DNAH12: variants seen among roughly 807,000 people sequenced by gnomAD.
DNAH12 encodes the protein dynein axonemal heavy chain 12, also known as axonemal beta dynein heavy chain 12.
Under a neutral mutation model 371.5 loss-of-function variants are expected in DNAH12, and 285 were observed. The observed-to-expected ratio is 0.77, with a 90% CI of 0.70 to 0.85. The LOEUF (loss-of-function observed/expected upper bound fraction) is 0.85, where lower values mean the gene tolerates loss of function less well. Among genes scored for constraint, DNAH12 ranks in the 40% least tolerant of loss-of-function variants. DNAH12 has a pLI of 0.00. For missense variants in DNAH12, 3,611 were observed against 3,689.4 expected (o/e 0.98, Z 0.55); for synonymous variants, 1,200 against 1,213.0 (o/e 0.99, Z 0.22).
intron 19 of DNAH12, among the ~76,000 whole-genome samples, chr3:57,461,127 A>G (rs1480831341): frequency 1.3e-5 from 2 of 152,296 alleles, no homozygotes; most frequent in South Asian, 4.1e-4. Flanking sequence ...GTTTACAACT[A>G]TAATTAAAGT....
At chr3:57,499,628 TACAAA>T (rs1559724102) in intron 11 of DNAH12, among the ~76,000 whole-genome samples, 1 of 3,938 alleles carries the variant, frequency 2.5e-4, no homozygotes, top group Non-Finnish European at 5.1e-4. Flanking sequence ...ACACCATCTC[TACAAA>T]AAAAAAAAAA....
intron 29 of DNAH12, among the ~76,000 whole-genome samples, chr3:57,442,874 G>A (rs924126378): frequency 6.6e-6 from 1 of 152,134 alleles, no homozygotes; most frequent in Non-Finnish European, 1.5e-5. Context: ...ATCTCTTAAT[G>A]ATTTGACAGC....
chr3:57,459,660 C>G lies in DNAH12; in HGVS notation c.2863G>C (p.Gly955Arg). 1 of 1,548,864 alleles carries G rather than the reference C, an allele frequency of 6.5e-7. No individual in the cohort carries two copies. The change falls in exon 20 of 74, where the codon GGG becomes CGG. Residue 955 changes from glycine (G) to arginine (R), a missense_variant. Gly to Arg is a moderately radical substitution (Grantham distance 125). Transcript: ENST00000495027. Reference protein sequence around the residue: ...EDIMQQMPEEGRQFQTVDRHW... With the variant: ...EDIMQQMPEERRQFQTVDRHW... The stretch of plus-strand genomic sequence containing the variant: ...CTGTCTACTGTCTGAAATTGACGCC[C>G]TTCTTCTGGCATCTGTTGCATGATA...
rs2061198439 is a variant in DNAH12, at chr3:57,294,733, T to C, written c.11693-762A>G. ...TTTCTATTTGTTTTTAGCAGGTAAATAATAAGAAAAACATGTCAACTCTTA... is the reference window on the plus strand; with the variant it reads ...TTTCTATTTGTTTTTAGCAGGTAAACAATAAGAAAAACATGTCAACTCTTA... On this transcript the variant is annotated intron_variant, in intron 73 of 73. Coordinates refer to ENST00000495027, the MANE Select transcript of DNAH12 (RefSeq NM_001366028.2). 2.0e-5 allele frequency among the ~76,000 whole-genome samples: 3 copies of C among 152,020 alleles called. No individual in the cohort carries two copies. In the South Asian group the frequency reaches 6.2e-4, roughly 32 times the overall value.
chr3:57,530,766 G>T, intron 2 of DNAH12: 1 of 225,732 alleles, frequency 4.4e-6, no homozygotes, highest in South Asian at 8.4e-5. Flanking sequence ...ACATCACTTG[G>T]AGCCCCAGGA....
At chr3:57,310,393 T>G (rs1312055747) in intron 67 of DNAH12, among the ~76,000 whole-genome samples, 1 of 152,214 alleles carries the variant, frequency 6.6e-6, no homozygotes, top group Non-Finnish European at 1.5e-5. Flanking sequence ...CAAACTATAC[T>G]GCCTCTTCTC....
intron 69 of DNAH12, 85 bp from the exon 70 acceptor site, chr3:57,302,024 TC>T: frequency 7.0e-7 from 1 of 1,422,372 alleles, no homozygotes; most frequent in Admixed American, 2.1e-5. Context: ...GGAATTTCAT[TC>T]CCAGCTTTAT....
chr3:57,356,025 G>A (rs1286290148), intron 59 of DNAH12, among the ~76,000 whole-genome samples: 2 of 152,128 alleles, frequency 1.3e-5, no homozygotes, highest in African/African-American at 2.4e-5. Flanking sequence ...TCACGTTAAC[G>A]AATTTGCCTG....
intron 27 of DNAH12, 84 bp from the exon 28 acceptor site, chr3:57,445,503 T>G: frequency 1.7e-6 from 2 of 1,193,112 alleles, no homozygotes; most frequent in Non-Finnish European, 2.1e-6. Flanking sequence ...AGGTGTGGTG[T>G]TGTCAAGTTT....
At chr3:57,497,055 G>A (rs2067347590) in intron 11 of DNAH12, among the ~76,000 whole-genome samples, 1 of 152,120 alleles carries the variant, frequency 6.6e-6, no homozygotes, top group African/African-American at 2.4e-5. Flanking sequence ...TGCAAGAGCT[G>A]TACAATGCAA....
intron 29 of DNAH12, among the ~76,000 whole-genome samples, chr3:57,444,292 G>A (rs1358060226): frequency 6.6e-6 from 1 of 151,100 alleles, no homozygotes; most frequent in East Asian, 1.9e-4. Flanking sequence ...TATTTTTTTT[G>A]AGACAGAGTC....
chr3:57,478,281 A>G (rs2066608139), intron 13 of DNAH12, among the ~76,000 whole-genome samples: 4 of 152,236 alleles, frequency 2.6e-5, no homozygotes, highest in Non-Finnish European at 1.5e-5. Flanking sequence ...ACGAATCCAC[A>G]AGCCTCAGTA....
rs2061546158 is a variant in DNAH12 at position 57,309,644 on chromosome 3, C to T, written c.11085+22G>A. ...TCATTTTTATTTATATTATAAGTAA[C>T]ATATTTTAAGCTGAACATTACCTTG... On this transcript the variant is annotated intron_variant, in intron 68 of 73. Transcript: ENST00000495027. The T allele has an allele frequency of 2.1e-6, 3 of 1,442,412 alleles. No individual in the cohort carries two copies. The African/African-American group carries it at 4.3e-5, about 21-fold the overall frequency. 89.4% of individuals were successfully genotyped at this position (1,442,412 alleles called of 1,614,324 possible).
intron 50 of DNAH12, 74 bp from the exon 51 acceptor site, chr3:57,380,441 G>A: frequency 6.6e-6 from 1 of 152,128 alleles, no homozygotes; most frequent in East Asian, 1.9e-4. Context: ...TCTTCTTGAA[G>A]TTTAAGAGGC....
At chr3:57,330,294 C>CA (rs1490439146) in intron 62 of DNAH12, among the ~76,000 whole-genome samples, 1 of 151,388 alleles carries the variant, frequency 6.6e-6, no homozygotes, top group Non-Finnish European at 1.5e-5. Flanking sequence ...TTCACAATAG[C>CA]AAAGACTTGG....
At chr3:57,541,532 A>AT (rs1418705624) in intron 2 of DNAH12, among the ~76,000 whole-genome samples, 516 of 143,618 alleles carry the variant, frequency 3.6e-3, no homozygotes, top group African/African-American at 0.01. Flanking sequence ...CACCTGGCTA[A>AT]TTTTTTTTTT....
chr3:57,307,748 C>G, intron 69 of DNAH12, among the ~76,000 whole-genome samples: 1 of 152,140 alleles, frequency 6.6e-6, no homozygotes. Flanking sequence ...CACATTATTC[C>G]TGATACCACA....
rs1464309606 is a variant in DNAH12, at chr3:57,462,915, G to C, written c.2350-40C>G. The C allele has an allele frequency of 3.5e-6, 5 of 1,410,788 alleles. No individual in the cohort carries two copies. In the African/African-American group the frequency reaches 7.1e-5, roughly 20 times the overall value. The allele number at this position is 1,410,788 out of a possible 1,614,324, so 87.4% of individuals were successfully genotyped here. A position where few individuals can be genotyped will look rare whatever the true frequency, so the allele number is the denominator to read the frequency against. The stretch of plus-strand genomic sequence containing the variant: ...ATAAACAATTATGAGTCACTCATTT[G>C]ACTTCCACACACATAGATTCCATAG... On this transcript the variant is annotated intron_variant, in intron 17 of 73. Transcript: ENST00000495027.
intron 34 of DNAH12, among the ~76,000 whole-genome samples, chr3:57,428,170 C>G (rs1239679296): frequency 6.6e-6 from 1 of 152,086 alleles, no homozygotes; most frequent in Non-Finnish European, 1.5e-5. Flanking sequence ...TTCAAGTGAT[C>G]CGCCCACCTC....
Sources: allele counts gnomAD v4.1 joint callset (sites outside exome capture counted in the v4.1 genomes callset), GRCh38; gene constraint gnomAD v4.1.1; transcripts MANE v1.5; gene names NCBI Gene and HGNC (gene_info 2026-07-23, HGNC 2026-07-21).